PIK3R4: variants seen among roughly 807,000 people sequenced by gnomAD.
PIK3R4 encodes phosphoinositide 3-kinase regulatory subunit 4.
A neutral mutation model predicts 136.5 loss-of-function variants in PIK3R4; 46 were observed. That is an observed-to-expected ratio of 0.34 (90% CI 0.27 to 0.43). The LOEUF (loss-of-function observed/expected upper bound fraction) is 0.43. Among genes scored for constraint, PIK3R4 ranks in the 20% least tolerant of loss-of-function variants. The probability of loss-of-function intolerance (pLI) is 1.00; values close to 1 mark genes in which losing one functional copy is unlikely to be tolerated. For synonymous variants in PIK3R4, 557 were observed against 566.7 expected (o/e 0.98, Z 0.24); for missense variants, 1,331 against 1,649.5 (o/e 0.81, Z 3.35).
chr3:130,723,895 C>T (rs1182572397), intron 6 of PIK3R4: 5 of 210,430 alleles, frequency 2.4e-5, no homozygotes, highest in Admixed American at 1.7e-4. Flanking sequence ...GGTTAGAAGA[C>T]AAGACATAGG....
chr3:130,707,230 G>C (rs191450772), intron 10 of PIK3R4, 95 bp from the exon 11 acceptor site: 73 of 687,718 alleles, frequency 1.1e-4, no homozygotes, highest in Non-Finnish European at 1.6e-4. Flanking sequence ...GAGGAGGCAG[G>C]GATAGCAATA....
chr3:130,701,509 C>CAA lies in PIK3R4; in HGVS notation c.3098+2212_3098+2213dup, dbSNP rs539905190. ...CCTGGGCAACAGAGCGAGACTGTCT[C>CAA]AAAAAAAAAAAAAGGCTAAGAATGG... On this transcript the variant is annotated intron_variant, in intron 13 of 19. Coordinates refer to ENST00000356763, the MANE Select transcript of PIK3R4 (RefSeq NM_014602.3). 3.1e-5 allele frequency among the ~76,000 whole-genome samples: 3 copies of CAA among 97,030 alleles called. No homozygotes were observed. In the East Asian group the frequency reaches 8.3e-4, roughly 27 times the overall value. 63.7% of individuals were successfully genotyped at this position (97,030 alleles called of 152,430 possible).
intron 9 of PIK3R4, 56 bp from the exon 10 acceptor site, chr3:130,708,548 G>A (rs2066617974): frequency 1.4e-6 from 2 of 1,466,740 alleles, no homozygotes; most frequent in Non-Finnish European, 1.9e-6. Flanking sequence ...ATAAAAACAA[G>A]CCTCAGAATG....
intron 2 of PIK3R4, among the ~76,000 whole-genome samples, chr3:130,738,378 T>C (rs1348391355): frequency 3.3e-5 from 5 of 151,986 alleles, no homozygotes; most frequent in Admixed American, 2.0e-4. Flanking sequence ...CATAAGCACA[T>C]AAAATATAAT....
Position 130,689,329 on chromosome 3 carries a change from T to TG in PIK3R4, c.3263+1160_3263+1161insC, listed in dbSNP as rs1451502810. Among the ~76,000 whole-genome samples, 422 of 152,248 alleles carry TG rather than the reference T, an allele frequency of 2.8e-3. 2 individuals are homozygous for TG. The highest frequency in any genetic ancestry group is 9.8e-3 in the African/African-American group (407 of 41,570). ...CGTGTAGGGCCTGTGGGCTCAGTCA[T>TG]CACACAGTGCACTATGCCAAGTTAT... On this transcript the variant is annotated intron_variant, in intron 14 of 19. Coordinates refer to ENST00000356763, the MANE Select transcript of PIK3R4 (RefSeq NM_014602.3).
At position 130,686,348 on chromosome 3, in the gene PIK3R4, G is replaced by C. The variant is rs1165432584; in HGVS notation, c.3338C>G (p.Ala1113Gly). The change falls in exon 15 of 20, where the codon GCC (alanine) becomes GGC (glycine). Residue 1113 changes from alanine (A) to glycine (G), a missense_variant. Transcript: ENST00000356763. ...HFNSGAQSVL[A>G]YATVNGSLVG... The stretch of plus-strand genomic sequence containing the variant: ...CAGAGAGCCATTCACAGTGGCATAG[G>C]CAAGAACAGACTGTGCTCCAGAGTT... 6.2e-7 allele frequency: 1 copy of C among 1,612,616 alleles called. No individual in the cohort carries two copies. Among genetic ancestry groups the C allele is most frequent in the Non-Finnish European group, 8.5e-7 (1 of 1,178,690 alleles).
In PIK3R4 at chr3:130,734,131, C is replaced by T; in HGVS notation, c.868-1G>A. 1 of 1,595,772 alleles carries T rather than the reference C, an allele frequency of 6.3e-7. No individual in the cohort carries two copies. On this transcript the variant is annotated splice_acceptor_variant, in intron 3 of 19. Transcript: ENST00000356763. LOFTEE classifies it high-confidence loss of function. Reference sequence around the variant, plus strand: ...GCTCACGGTGAATCATCTGAGTTACCTATACCAAGGGAAGAAAAGGAATTA... The same window carrying T: ...GCTCACGGTGAATCATCTGAGTTACTTATACCAAGGGAAGAAAAGGAATTA...
chr3:130,739,412 C>A (rs1033839197), intron 2 of PIK3R4, among the ~76,000 whole-genome samples: 1 of 151,952 alleles, frequency 6.6e-6, no homozygotes, highest in Admixed American at 6.6e-5. Context: ...CACTCTGTCA[C>A]CCAGCCTGGA....
intron 9 of PIK3R4, among the ~76,000 whole-genome samples, chr3:130,715,360 G>A (rs897024110): frequency 1.3e-5 from 2 of 152,042 alleles, no homozygotes; most frequent in African/African-American, 2.4e-5. Flanking sequence ...CTGACCTCGG[G>A]TGACCCACCC....
chr3:130,700,555 A>G (rs2066569025), intron 13 of PIK3R4, among the ~76,000 whole-genome samples: 1 of 152,236 alleles, frequency 6.6e-6, no homozygotes, highest in South Asian at 2.1e-4. Context: ...TGAAAGTTTA[A>G]CTCAAATAAG....
chr3:130,698,806 T>C (rs1235952830), intron 13 of PIK3R4, among the ~76,000 whole-genome samples: 1 of 152,244 alleles, frequency 6.6e-6, no homozygotes, highest in Non-Finnish European at 1.5e-5. Context: ...GCTATTTGTT[T>C]AATGACTTTC....
chr3:130,687,306 TAC>T (rs933291853), intron 14 of PIK3R4, among the ~76,000 whole-genome samples: 4 of 152,178 alleles, frequency 2.6e-5, no homozygotes, highest in Non-Finnish European at 4.4e-5. Context: ...TTCGAAAACT[TAC>T]AGTTTTTGGA....
chr3:130,714,531 T>C (rs2066651547), intron 9 of PIK3R4, among the ~76,000 whole-genome samples: 1 of 152,154 alleles, frequency 6.6e-6, no homozygotes, highest in Admixed American at 6.5e-5. Flanking sequence ...AATGTGCAGG[T>C]TTGTTACATG....
At chr3:130,710,757 G>A (rs2066628764) in intron 9 of PIK3R4, among the ~76,000 whole-genome samples, 1 of 152,018 alleles carries the variant, frequency 6.6e-6, no homozygotes, top group Admixed American at 6.6e-5. Flanking sequence ...CCATATACCA[G>A]CTACAAACAA....
chr3:130,733,026 GGTGTGTATA>G (rs912908830), intron 4 of PIK3R4, among the ~76,000 whole-genome samples: 6 of 152,058 alleles, frequency 3.9e-5, no homozygotes, highest in African/African-American at 1.4e-4. Flanking sequence ...AAAACAGGTA[GGTGTGTATA>G]ACACACCCAC....
In PIK3R4 at chr3:130,705,703, T is replaced by C. The variant is rs1418390950; in HGVS notation, c.2790A>G (p.Pro930=). The change falls in exon 12 of 20, where the codon CCA becomes CCG. Residue 930 remains proline (P), a synonymous_variant. Coordinates refer to ENST00000356763, the MANE Select transcript of PIK3R4 (RefSeq NM_014602.3). The part of the protein sequence containing the change: ...VIPVLSSTIL[P]STYQIRITTC... Reference sequence around the variant, plus strand: ...TTGTAATTCGAATCTGATAGGTGGATGGTAAGATTGTACTACTTAAAACCG... The same window carrying C: ...TTGTAATTCGAATCTGATAGGTGGACGGTAAGATTGTACTACTTAAAACCG... 11 of 1,611,996 alleles carry C rather than the reference T, an allele frequency of 6.8e-6. No individual in the cohort carries two copies. The highest frequency in any genetic ancestry group is 5.0e-5 in the Admixed American group (3 of 59,996).
intron 6 of PIK3R4, among the ~76,000 whole-genome samples, chr3:130,726,788 A>G (rs1395922334): frequency 6.6e-6 from 1 of 152,048 alleles, no homozygotes; most frequent in Non-Finnish European, 1.5e-5. Context: ...ATGTGTTTCA[A>G]AGAACACATG....
Position 130,733,759 on chromosome 3 carries a change from G to A in PIK3R4, c.1239C>T (p.Ile413=). ...LHLAPRLSVE[I]LLDRITPYLL... ...GATATGGAGTAATACGATCCAAAAGGATTTCAACACTTAATCTTGGAGCCA... is the reference window on the plus strand; with the variant it reads ...GATATGGAGTAATACGATCCAAAAGAATTTCAACACTTAATCTTGGAGCCA... The change falls in exon 4 of 20, where the codon ATC becomes ATT. Residue 413 remains isoleucine (I), a synonymous_variant. Coordinates refer to ENST00000356763, the MANE Select transcript of PIK3R4 (RefSeq NM_014602.3). 1 of 1,614,106 alleles carries A rather than the reference G, an allele frequency of 6.2e-7. No individual in the cohort carries two copies. The highest frequency in any genetic ancestry group is 8.5e-7 in the Non-Finnish European group (1 of 1,179,970).
At chr3:130,715,043 A>C (rs1361204489) in intron 9 of PIK3R4, among the ~76,000 whole-genome samples, 1 of 152,004 alleles carries the variant, frequency 6.6e-6, no homozygotes, top group Non-Finnish European at 1.5e-5. Context: ...ACAACAGTTG[A>C]ACTAATTTAC....
Sources: gnomAD v4.1 joint callset for allele counts (sites outside exome capture counted in the v4.1 genomes callset) on GRCh38, gnomAD v4.1.1 for gene constraint, MANE v1.5 for transcripts, NCBI Gene and HGNC (gene_info 2026-07-23, HGNC 2026-07-21) for gene names.